The following SCIN variants were observed in gnomAD, a reference collection of about 807,000 sequenced individuals.
SCIN encodes scinderin, also known as adseverin.
In SCIN, 91 loss-of-function variants were observed where a neutral mutation model predicts 91.8. The observed-to-expected ratio is 0.99, with a 90% CI of 0.84 to 1.18. SCIN has a LOEUF of 1.18. Among genes scored for constraint, SCIN ranks in the 50% most tolerant of loss-of-function variants. The pLI is 0.00. For missense variants in SCIN, 1,087 were observed against 863.9 expected (o/e 1.26, Z -3.24); for synonymous variants, 367 against 312.6 (o/e 1.17, Z -1.84).
chr7:12,652,801 T>G lies in SCIN; in HGVS notation c.*86T>G. ...AGAGGAACGGGAAAAGCTTTTTGCT[T>G]ATTTGTCTTTTGAAAATTAAGGCTG... is the stretch of plus-strand genomic sequence containing the variant. On this transcript the variant is annotated 3_prime_UTR_variant, in exon 16 of 16. Transcript: ENST00000297029. 1.3e-6 allele frequency: 2 copies of G among 1,531,892 alleles called. No individual in the cohort carries two copies. Among genetic ancestry groups the G allele is most frequent in the Non-Finnish European group, 1.8e-6 (2 of 1,141,402 alleles). 94.9% of individuals were successfully genotyped at this position (1,531,892 alleles called of 1,614,324 possible). A position where few individuals can be genotyped will look rare whatever the true frequency, so the allele number is the denominator to read the frequency against.
chr7:12,605,341 G>T (rs117489588), intron 4 of SCIN, among the ~76,000 whole-genome samples: 2,405 of 152,202 alleles, frequency 0.016, 23 homozygotes, highest in Middle Eastern at 0.027. Context: ...GAGCCACCCT[G>T]CCCGGCCTTC....
At chr7:12,646,228 A>C (rs1015172385) in intron 13 of SCIN, among the ~76,000 whole-genome samples, 1 of 152,228 alleles carries the variant, frequency 6.6e-6, no homozygotes, top group African/African-American at 2.4e-5. Context: ...CAAAAATACC[A>C]TTGACTGTGT....
At chr7:12,643,247 G>C (rs1364832295) in intron 11 of SCIN, among the ~76,000 whole-genome samples, 3 of 152,106 alleles carry the variant, frequency 2.0e-5, no homozygotes, top group African/African-American at 7.2e-5. Context: ...AGGTCTTTCT[G>C]TCTTCATCTC....
In SCIN at chr7:12,570,841, C is replaced by A. The variant is rs1309293498; in HGVS notation, c.55C>A (p.Leu19Met). Residue 19 changes from leucine (L) to methionine (M), a missense_variant, in exon 1 of 16, where the codon CTG becomes ATG. Physicochemically the swap from Leu to Met is conservative, Grantham distance 15. Transcript: ENST00000297029. Reference sequence around the variant, plus strand: ...CGCCCGGGCGGGCAAGCAGGCGGGGCTGCAGGTCTGGAGGATTGAGAAGCT... The same window carrying A: ...CGCCCGGGCGGGCAAGCAGGCGGGGATGCAGGTCTGGAGGATTGAGAAGCT... ...EFARAGKQAGLQVWRIEKLEL... is the reference protein window; with the variant it reads ...EFARAGKQAGMQVWRIEKLEL... 1 of 1,551,614 alleles carries A rather than the reference C, an allele frequency of 6.4e-7. No homozygotes were observed. Among genetic ancestry groups the A allele is most frequent in the South Asian group, 1.2e-5 (1 of 84,056 alleles).
chr7:12,588,876 C>G (rs1233955786), intron 3 of SCIN: 5 of 139,146 alleles, frequency 3.6e-5, no homozygotes, highest in African/African-American at 1.4e-4. Context: ...TCCTAACATT[C>G]CAGCCTTTTA....
chr7:12,630,928 A>G (rs1223569121), intron 9 of SCIN, among the ~76,000 whole-genome samples: 1 of 152,232 alleles, frequency 6.6e-6, no homozygotes, highest in South Asian at 2.1e-4. Flanking sequence ...CATGGCATTT[A>G]TAGGGATAAA....
rs570158198 is a variant in SCIN, at chr7:12,616,912, T to C, written c.667-5889T>C. ...TTCTGCTGATTGCATAAAAGACTTT[T>C]CTCCAGGTTTTGCCTGGAGAGGGAT... On this transcript the variant is annotated intron_variant, in intron 4 of 15. Transcript: ENST00000297029. Among the ~76,000 whole-genome samples the C allele has an allele frequency of 2.6e-5, 4 of 152,250 alleles. No individual in the cohort carries two copies. In the East Asian group the frequency reaches 7.7e-4, roughly 29 times the overall value.
At chr7:12,630,504 G>A (rs1783619446) in intron 9 of SCIN, among the ~76,000 whole-genome samples, 1 of 152,226 alleles carries the variant, frequency 6.6e-6, no homozygotes, top group Admixed American at 6.5e-5. Context: ...GGGGAATCCT[G>A]AGATTCTAAT....
Position 12,644,315 on chromosome 7 carries a change from G to C in SCIN, c.1759G>C (p.Glu587Gln). 1 of 1,579,436 alleles carries C rather than the reference G, an allele frequency of 6.3e-7. No homozygotes were observed. The highest frequency in any genetic ancestry group is 8.6e-7 in the Non-Finnish European group (1 of 1,161,926). Residue 587 changes from glutamate to glutamine, a missense_variant and splice_region_variant, in exon 12 of 16, where the codon GAG (glutamate) becomes CAG (glutamine). Physicochemically the swap from Glu to Gln is conservative, Grantham distance 29. Coordinates refer to ENST00000297029, the MANE Select transcript of SCIN (RefSeq NM_001112706.3). Reference sequence around the variant, plus strand: ...AAGGATCCAAGAAGGCGAGGAGCCAGGTGTGTGCTCTGGGGCCAAGGGCAC... The same window carrying C: ...AAGGATCCAAGAAGGCGAGGAGCCACGTGTGTGCTCTGGGGCCAAGGGCAC... ...TLRIQEGEEP[E>Q]EFWNSLGGKK...
rs1316642930 is a variant in SCIN, at chr7:12,570,938, C to G, written c.152C>G (p.Thr51Arg). ...YVGDAYLVLH[T>R]AKTSRGFTYH... is the part of the protein sequence containing the mutation. ...GGGGATGCCTACCTGGTGCTGCACA[C>G]GGCCAAGACGAGCCGAGGCTTCACC... Residue 51 changes from threonine (T) to arginine (R), a missense_variant, in exon 1 of 16, where the codon ACG becomes AGG. By Grantham distance (71) the Thr-to-Arg change is moderately conservative. Transcript: ENST00000297029. The G allele has an allele frequency of 1.9e-6, 3 of 1,551,368 alleles. No homozygotes were observed. Among genetic ancestry groups the G allele is most frequent in the Non-Finnish European group, 2.6e-6 (3 of 1,146,920 alleles).
chr7:12,594,408 G>A (rs896470419), intron 3 of SCIN, among the ~76,000 whole-genome samples: 3 of 152,014 alleles, frequency 2.0e-5, no homozygotes, highest in African/African-American at 7.2e-5. Context: ...GGGTGGTTAC[G>A]GAGAATGAAG....
Position 12,640,516 on chromosome 7 carries a change from A to G in SCIN, c.1580A>G (p.Glu527Gly). ...RNLASITRIV[E>G]VDVDANSLNS... ...CTGGCATCTATCACCAGAATTGTGG[A>G]GGTAATGTCATGCATTCCATAAAAC... Residue 527 changes from glutamate to glycine, a missense_variant and splice_region_variant, in exon 11 of 16, where the codon GAG becomes GGG. Coordinates refer to ENST00000297029, the MANE Select transcript of SCIN (RefSeq NM_001112706.3). 6.2e-7 allele frequency: 1 copy of G among 1,606,970 alleles called. No individual in the cohort carries two copies. Among genetic ancestry groups the G allele is most frequent in the Non-Finnish European group, 8.5e-7 (1 of 1,176,864 alleles).
chr7:12,641,878 G>A (rs1783865665), intron 11 of SCIN, among the ~76,000 whole-genome samples: 1 of 151,956 alleles, frequency 6.6e-6, no homozygotes, highest in Non-Finnish European at 1.5e-5. Flanking sequence ...TCACAGAGAA[G>A]ATAAATCAGG....
chr7:12,625,372 A>C (rs921267956), intron 6 of SCIN, among the ~76,000 whole-genome samples: 2 of 151,872 alleles, frequency 1.3e-5, no homozygotes, highest in Admixed American at 1.3e-4. Context: ...TTGTTTTACA[A>C]ATAACGTTTT....
intron 4 of SCIN, among the ~76,000 whole-genome samples, chr7:12,606,961 A>T (rs993109449): frequency 6.6e-6 from 1 of 152,232 alleles, no homozygotes; most frequent in African/African-American, 2.4e-5. Context: ...CAACCATGTA[A>T]GTCTTCTAAC....
chr7:12,635,952 C>A (rs894643460), intron 9 of SCIN, 93 bp from the exon 10 acceptor site: 6 of 898,610 alleles, frequency 6.7e-6, no homozygotes, highest in Non-Finnish European at 8.9e-6. Context: ...TCTTCTTGAT[C>A]TTTCATAATA....
chr7:12,606,230 CT>C (rs1205143731), intron 4 of SCIN, among the ~76,000 whole-genome samples: 1 of 152,116 alleles, frequency 6.6e-6, no homozygotes, highest in African/African-American at 2.4e-5. Context: ...GATATAATAC[CT>C]TTTTGAAACT....
intron 4 of SCIN, among the ~76,000 whole-genome samples, chr7:12,621,351 A>G (rs1161924368): frequency 6.6e-6 from 1 of 152,130 alleles, no homozygotes; most frequent in African/African-American, 2.4e-5. Flanking sequence ...ATTCCCAACT[A>G]TGCTGCAGTC....
rs1784132214 is a variant in SCIN at position 12,654,194 on chromosome 7, T to G, written c.*1479T>G. 1 of 152,162 alleles carries G rather than the reference T, an allele frequency of 6.6e-6. No individual in the cohort carries two copies. The highest frequency in any genetic ancestry group is 6.5e-5 in the Admixed American group (1 of 15,280). The allele number at this position is 152,162 out of a possible 1,614,324, so 9.4% of individuals were successfully genotyped here. A position where few individuals can be genotyped will look rare whatever the true frequency, so the allele number is the denominator to read the frequency against. ...CATCCTTCATGTGGAATGAAAAAACTAAAGAGACAACTGACTTACCACACA... is the reference window on the plus strand; with the variant it reads ...CATCCTTCATGTGGAATGAAAAAACGAAAGAGACAACTGACTTACCACACA... On this transcript the variant is annotated 3_prime_UTR_variant, in exon 16 of 16. Transcript: ENST00000297029.
Sources: allele counts gnomAD v4.1 joint callset (sites outside exome capture counted in the v4.1 genomes callset), GRCh38; gene constraint gnomAD v4.1.1; transcripts MANE v1.5; gene names NCBI Gene and HGNC (gene_info 2026-07-23, HGNC 2026-07-21).